AADACL4: variants seen among roughly 807,000 people sequenced by gnomAD.
AADACL4 encodes the protein arylacetamide deacetylase-like 4.
A neutral mutation model predicts 14.1 loss-of-function variants in AADACL4; 9 were observed. The observed-to-expected ratio is 0.64, with a 90% CI of 0.39 to 1.12. The LOEUF is 1.12. AADACL4 is among the 50% of genes most tolerant of loss of function. The pLI is 0.01. For synonymous variants in AADACL4, 188 were observed against 201.6 expected (o/e 0.93, Z 0.57); for missense variants, 531 against 516.1 (o/e 1.03, Z -0.28).
chr1:12,651,562 T>A (rs2100760169), intron 2 of AADACL4, among the ~76,000 whole-genome samples: 1 of 152,256 alleles, frequency 6.6e-6, no homozygotes, highest in South Asian at 2.1e-4. Flanking sequence ...ATGGTCTCAG[T>A]CAAGATGGGG....
At chr1:12,665,079 G>A (rs1388396465) in intron 3 of AADACL4, among the ~76,000 whole-genome samples, 1 of 152,158 alleles carries the variant, frequency 6.6e-6, no homozygotes. Context: ...CCACACTGGA[G>A]TGCAGTGGTG....
At chr1:12,660,623 G>A (rs1570433000) in intron 2 of AADACL4, among the ~76,000 whole-genome samples, 1 of 152,054 alleles carries the variant, frequency 6.6e-6, no homozygotes, top group South Asian at 2.1e-4. Flanking sequence ...CATACCCCAG[G>A]CTAAGTGGGC....
rs923886396 is a variant in AADACL4 at position 12,661,676 on chromosome 1, C to T, written c.386-115C>T. On this transcript the variant is annotated intron_variant, in intron 2 of 3. Coordinates refer to ENST00000376221, the MANE Select transcript of AADACL4 (RefSeq NM_001013630.2). ...CAGGCAGAGGAGGCAAGGATAGAAA[C>T]AGAGAGGATGCCACACCCCACACCA... 2.8e-6 allele frequency: 3 copies of T among 1,076,414 alleles called. No individual in the cohort carries two copies. In the African/African-American group the frequency reaches 4.7e-5, roughly 17 times the overall value. 66.7% of individuals were successfully genotyped at this position (1,076,414 alleles called of 1,614,324 possible).
chr1:12,644,516 C>T lies in AADACL4; in HGVS notation c.-31C>T. The stretch of plus-strand genomic sequence containing the variant: ...CACATAAGCTATCAGACAAGCTCCT[C>T]AGGGCAGCAGCTCCTCAAGGCCCCA... On this transcript the variant is annotated 5_prime_UTR_variant, in exon 1 of 4. Transcript: ENST00000376221. 2 of 1,609,068 alleles carry T rather than the reference C, an allele frequency of 1.2e-6. No homozygotes were observed. Among genetic ancestry groups the T allele is most frequent in the Middle Eastern group, 1.8e-4 (1 of 5,464 alleles).
At chr1:12,651,031 G>C (rs1647141951) in intron 1 of AADACL4, 92 bp from the exon 2 acceptor site, 1 of 1,301,640 alleles carries the variant, frequency 7.7e-7, no homozygotes, top group Non-Finnish European at 1.1e-6. Context: ...GAGAAACTGT[G>C]AAAACATCCT....
At chr1:12,660,726 C>T (rs1185273344) in intron 2 of AADACL4, among the ~76,000 whole-genome samples, 1 of 152,086 alleles carries the variant, frequency 6.6e-6, no homozygotes, top group Non-Finnish European at 1.5e-5. Flanking sequence ...TCACTGCAAC[C>T]TCCGCCTCCC....
At chr1:12,655,516 G>A (rs983102400) in intron 2 of AADACL4, among the ~76,000 whole-genome samples, 1 of 151,644 alleles carries the variant, frequency 6.6e-6, no homozygotes, top group African/African-American at 2.4e-5. Flanking sequence ...GGGTCTAGGT[G>A]GGCTCCCTGG....
intron 1 of AADACL4, among the ~76,000 whole-genome samples, chr1:12,647,800 C>T (rs1488794516): frequency 3.9e-5 from 6 of 151,936 alleles, no homozygotes; most frequent in Non-Finnish European, 7.4e-5. Flanking sequence ...AGACTATAGG[C>T]GCCTGCCACC....
chr1:12,665,959 A>G lies in AADACL4; in HGVS notation c.450-2A>G, dbSNP rs1405953480. 8 of 1,599,148 alleles carry G rather than the reference A, an allele frequency of 5.0e-6. No individual in the cohort carries two copies. The highest frequency in any genetic ancestry group is 5.1e-6 in the Non-Finnish European group (6 of 1,170,902). On this transcript the variant is annotated splice_acceptor_variant, in intron 3 of 3. Coordinates refer to ENST00000376221, the MANE Select transcript of AADACL4 (RefSeq NM_001013630.2). LOFTEE classifies it high-confidence loss of function. ...TAGTGTTGCTCCCTGTTTTCGTTTT[A>G]GGTACCGCAAGCTTCCTGACCACCA...
At chr1:12,653,505 A>G (rs532807062) in intron 2 of AADACL4, among the ~76,000 whole-genome samples, 65 of 152,326 alleles carry the variant, frequency 4.3e-4, no homozygotes, top group African/African-American at 1.2e-3. Context: ...AACTTTGAAC[A>G]TGCAGTTCAG....
At chr1:12,658,485 C>T (rs1357875820) in intron 2 of AADACL4, among the ~76,000 whole-genome samples, 1 of 152,186 alleles carries the variant, frequency 6.6e-6, no homozygotes, top group African/African-American at 2.4e-5. Context: ...TGTCGAACTC[C>T]TGACCTCAGG....
chr1:12,644,126 A>G lies in AADACL4; in HGVS notation c.-421A>G, dbSNP rs1647095329. The stretch of plus-strand genomic sequence containing the variant: ...AGCTGGGGTGAGACGTGCTGTGCTC[A>G]CCCTAACCACACTCTGACAAGGAAA... On this transcript the variant is annotated 5_prime_UTR_variant, in exon 1 of 4. Transcript: ENST00000376221. Among the ~76,000 whole-genome samples, 1 of 152,170 alleles carries G rather than the reference A, an allele frequency of 6.6e-6. No individual in the cohort carries two copies. Among genetic ancestry groups the G allele is most frequent in the Non-Finnish European group, 1.5e-5 (1 of 68,034 alleles).
At chr1:12,658,071 T>TTC (rs766392359) in intron 2 of AADACL4, among the ~76,000 whole-genome samples, 2 of 114,530 alleles carry the variant, frequency 1.7e-5, no homozygotes, top group Admixed American at 1.6e-4. Context: ...CTTTTTCTCT[T>TTC]TCTTTCTTTC....
At position 12,644,778 on chromosome 1, in the gene AADACL4, C is replaced by T. The variant is rs1322329514; in HGVS notation, c.168+64C>T. 4.7e-6 allele frequency: 7 copies of T among 1,497,132 alleles called. No homozygotes were observed. The Admixed American group carries it at 1.1e-4, about 24-fold the overall frequency. The allele number at this position is 1,497,132 out of a possible 1,614,324, so 92.7% of individuals were successfully genotyped here. On this transcript the variant is annotated intron_variant, in intron 1 of 3. Coordinates refer to ENST00000376221, the MANE Select transcript of AADACL4 (RefSeq NM_001013630.2). ...TCTTCTCTTGTTCTCAGTACCTTAC[C>T]CTCTTTTCCCTCTTTCACTTCCCTT...
rs770760559 is a variant in AADACL4, at chr1:12,651,291, C to G, written c.337C>G (p.Arg113Gly). Reference protein sequence around the residue: ...QPKAASSRPRRGIIFYHGGAT... With the variant: ...QPKAASSRPRGGIIFYHGGAT... ...GAAGGCAGCATCCTCCAGACCCCGG[C>G]GAGGCATCATCTTCTACCATGGAGG... The change falls in exon 2 of 4, where the codon CGA (arginine) becomes GGA (glycine). Residue 113 changes from arginine to glycine, a missense_variant. Arg to Gly is a moderately radical substitution (Grantham distance 125, BLOSUM62 -2). Transcript: ENST00000376221. 4 of 1,614,084 alleles carry G rather than the reference C, an allele frequency of 2.5e-6. No homozygotes were observed. The South Asian group carries it at 4.4e-5, about 18-fold the overall frequency.
chr1:12,644,836 G>C, intron 1 of AADACL4, 122 bp downstream of exon 1: 1 of 1,119,840 alleles, frequency 8.9e-7, no homozygotes, highest in South Asian at 1.5e-5. Context: ...CCTCAAGATA[G>C]ACTTGTCTCT....
chr1:12,659,505 G>A (rs1018273888), intron 2 of AADACL4, among the ~76,000 whole-genome samples: 3 of 152,044 alleles, frequency 2.0e-5, no homozygotes, highest in Admixed American at 1.3e-4. Flanking sequence ...ATCAAGATAA[G>A]TAATATTTTA....
chr1:12,666,363 G>A lies in AADACL4; in HGVS notation c.852G>A (p.Trp284Ter). The A allele has an allele frequency of 6.2e-7, 1 of 1,614,124 alleles. No homozygotes were observed. The highest frequency in any genetic ancestry group is 8.5e-7 in the Non-Finnish European group (1 of 1,180,032). The change falls in exon 4 of 4, where the codon TGG becomes TGA. Residue 284 changes from tryptophan to a stop codon, truncating the protein, a stop_gained. Coordinates refer to ENST00000376221, the MANE Select transcript of AADACL4 (RefSeq NM_001013630.2). LOFTEE classifies it low-confidence loss of function (END_TRUNC). Reference sequence around the variant, plus strand: ...ACGTCTGGAGGAAGTACGAGAAGTGGCTCAGCCCTGACAACATCCCCAAGA... The same window carrying A: ...ACGTCTGGAGGAAGTACGAGAAGTGACTCAGCCCTGACAACATCCCCAAGA... ...PPDVWRKYEK[W>*]LSPDNIPKKF...
intron 3 of AADACL4, 81 bp from the exon 4 acceptor site, chr1:12,665,880 G>A: frequency 7.2e-7 from 1 of 1,388,584 alleles, no homozygotes; most frequent in Non-Finnish European, 9.8e-7. Flanking sequence ...AGTCTTGTAA[G>A]GGGGTTGAGG....
Sources: allele counts gnomAD v4.1 joint callset (sites outside exome capture counted in the v4.1 genomes callset), GRCh38; gene constraint gnomAD v4.1.1; transcripts MANE v1.5; gene names NCBI Gene and HGNC (gene_info 2026-07-23, HGNC 2026-07-21).